The following TMEM63C variants were observed in gnomAD, a reference collection of about 807,000 sequenced individuals.
The protein encoded by TMEM63C is osmosensitive cation channel TMEM63C.
Under a neutral mutation model 99.2 loss-of-function variants are expected in TMEM63C, and 32 were observed. The observed-to-expected ratio is 0.32, with a 90% CI of 0.24 to 0.43. The LOEUF (loss-of-function observed/expected upper bound fraction) is 0.43. Among genes scored for constraint, TMEM63C ranks in the 20% least tolerant of loss-of-function variants. The pLI, the probability that TMEM63C is intolerant of heterozygous loss-of-function variation, is 1.00. For missense variants in TMEM63C, 826 were observed against 1,053.0 expected, an observed-to-expected ratio of 0.78 and a Z score of 2.98; for synonymous variants, 376 against 397.9, an observed-to-expected ratio of 0.94 and a Z score of 0.66.
chr14:77,210,873 G>A (rs1291746399), intron 1 of TMEM63C, among the ~76,000 whole-genome samples: 1 of 152,108 alleles, frequency 6.6e-6, no homozygotes, highest in Admixed American at 6.5e-5. Context: ...CACTCTGGGG[G>A]TCATGGGGTT....
intron 16 of TMEM63C, 62 bp from the exon 17 acceptor site, chr14:77,245,878 G>T (rs1388853334): frequency 8.3e-7 from 1 of 1,206,264 alleles, no homozygotes; most frequent in Non-Finnish European, 1.2e-6. Flanking sequence ...CTATTACATA[G>T]TTAGGCCTTT....
At chr14:77,240,445 C>T in intron 12 of TMEM63C, 30 bp from the exon 13 acceptor site, 1 of 1,596,660 alleles carries the variant, frequency 6.3e-7, no homozygotes, top group South Asian at 1.1e-5. Flanking sequence ...GGGCTCTGGC[C>T]CCAGCCCTGA....
At chr14:77,204,672 T>A (rs1041139432) in intron 1 of TMEM63C, among the ~76,000 whole-genome samples, 2 of 152,158 alleles carry the variant, frequency 1.3e-5, no homozygotes, top group African/African-American at 2.4e-5. Context: ...GTAAACAACA[T>A]CGAATGTACT....
intron 1 of TMEM63C, among the ~76,000 whole-genome samples, chr14:77,187,962 G>C (rs555361488): frequency 1.4e-4 from 22 of 152,318 alleles, no homozygotes; most frequent in Admixed American, 1.1e-3. Flanking sequence ...GGATGTGTCA[G>C]ATGCCCTTGA....
rs1038004409 is a variant in TMEM63C at position 77,236,878 on chromosome 14, C to T, written c.651+146C>T. On this transcript the variant is annotated intron_variant, in intron 9 of 23. Coordinates refer to ENST00000298351, the MANE Select transcript of TMEM63C (RefSeq NM_020431.4). The stretch of plus-strand genomic sequence containing the variant: ...GGGGGCGGTTTCACCTGAGCAGGGG[C>T]CAAGCTTCCTCCCTTCAGTCCTAGT... The T allele has an allele frequency of 2.5e-4, 158 of 634,638 alleles. No homozygotes were observed. The Admixed American group carries it at 3.8e-3, about 15-fold the overall frequency. The allele number at this position is 634,638 out of a possible 1,614,324, so 39.3% of individuals were successfully genotyped here.
chr14:77,204,622 C>T (rs753148677), intron 1 of TMEM63C, among the ~76,000 whole-genome samples: 6 of 152,172 alleles, frequency 3.9e-5, no homozygotes, highest in African/African-American at 7.2e-5. Context: ...CTTCCCTTTG[C>T]GGGGAGGTGT....
intron 8 of TMEM63C, 21 bp from the exon 9 acceptor site, chr14:77,236,603 C>A: frequency 1.3e-6 from 2 of 1,573,074 alleles, no homozygotes; most frequent in Non-Finnish European, 1.7e-6. Flanking sequence ...GACCTCACTG[C>A]TGCTGCCTCC....
At chr14:77,253,555 G>A (rs1044417454) in intron 23 of TMEM63C, among the ~76,000 whole-genome samples, 179 bp downstream of exon 23, 6 of 152,330 alleles carry the variant, frequency 3.9e-5, no homozygotes, top group East Asian at 1.9e-4. Flanking sequence ...AAATGCTGCC[G>A]TGGTCCTGGA....
chr14:77,256,935 G>C lies in TMEM63C; in HGVS notation c.*209G>C, dbSNP rs2140136419. The stretch of plus-strand genomic sequence containing the variant: ...CTGGGGGTGCTCGGCAGTGCTGAAG[G>C]AGCCTGGGAAGGGATGGGAGGATAC... On this transcript the variant is annotated 3_prime_UTR_variant, in exon 24 of 24. Coordinates refer to ENST00000298351, the MANE Select transcript of TMEM63C (RefSeq NM_020431.4). The C allele has an allele frequency of 6.9e-6, 4 of 582,744 alleles. No individual in the cohort carries two copies. In the East Asian group the frequency reaches 1.1e-4, roughly 17 times the overall value. The allele number at this position is 582,744 out of a possible 1,614,324, so 36.1% of individuals were successfully genotyped here. A position where few individuals can be genotyped will look rare whatever the true frequency, so the allele number is the denominator to read the frequency against.
intron 22 of TMEM63C, among the ~76,000 whole-genome samples, 180 bp downstream of exon 22, chr14:77,252,078 T>TGCATGCGTGCATGCCTTGCAC (rs1889375993): frequency 7.1e-6 from 1 of 141,428 alleles, no homozygotes; most frequent in African/African-American, 3.0e-5. Flanking sequence ...ATGCCTTGCG[T>TGCATGCGTGCATGCCTTGCAC]GCATGCGTGC....
intron 21 of TMEM63C, among the ~76,000 whole-genome samples, chr14:77,251,119 AAAGACTG>A (rs1416788244): frequency 6.6e-6 from 1 of 152,182 alleles, no homozygotes; most frequent in Admixed American, 6.5e-5. Flanking sequence ...TAGGTTGTTA[AAAGACTG>A]AACACGTAGG....
intron 7 of TMEM63C, among the ~76,000 whole-genome samples, chr14:77,232,630 C>T (rs568442281): frequency 6.6e-6 from 1 of 152,184 alleles, no homozygotes; most frequent in African/African-American, 2.4e-5. Context: ...ATCAGTCTCC[C>T]GAGCTTTACT....
In TMEM63C at chr14:77,218,242, A is replaced by C. The variant is rs3952320; in HGVS notation, c.-13-559A>C. On this transcript the variant is annotated intron_variant, in intron 2 of 23. Coordinates refer to ENST00000298351, the MANE Select transcript of TMEM63C (RefSeq NM_020431.4). ...TACCCACAGAAGTTAAAAAAAAAAG[A>C]GGGGGGTGTTTCTTGAGTCACTGCA... Among the ~76,000 whole-genome samples the C allele has an allele frequency of 7.2e-3, 1,043 of 145,758 alleles. 20 individuals carry two copies. Among genetic ancestry groups the C allele is most frequent in the Middle Eastern group, 0.055 (15 of 274 alleles).
chr14:77,194,662 C>T (rs1299216228), intron 1 of TMEM63C, among the ~76,000 whole-genome samples: 1 of 151,816 alleles, frequency 6.6e-6, no homozygotes, highest in African/African-American at 2.4e-5. Flanking sequence ...AAGCCTCAAC[C>T]TGCTGGGTTT....
Position 77,219,987 on chromosome 14 carries a change from C to T in TMEM63C, c.231-19C>T. 1 of 1,553,142 alleles carries T rather than the reference C, an allele frequency of 6.4e-7. No homozygotes were observed. The highest frequency in any genetic ancestry group is 8.7e-7 in the Non-Finnish European group (1 of 1,147,770). Reference sequence around the variant, plus strand: ...TTTTCTCTCCTTTCTTACCTCCCTGCCCCTTCCCTGGCTGGCAGCCTGACC... The same window carrying T: ...TTTTCTCTCCTTTCTTACCTCCCTGTCCCTTCCCTGGCTGGCAGCCTGACC... On this transcript the variant is annotated intron_variant, in intron 4 of 23. Coordinates refer to ENST00000298351, the MANE Select transcript of TMEM63C (RefSeq NM_020431.4).
chr14:77,256,564 T>A lies in TMEM63C; in HGVS notation c.2259T>A (p.Asn753Lys), dbSNP rs752277709. The A allele has an allele frequency of 6.2e-6, 10 of 1,613,918 alleles. No individual in the cohort carries two copies. In the East Asian group the frequency reaches 2.0e-4, roughly 32 times the overall value. ...CCGTGCTGCAAGAACCGGAGTTGAA[T>A]CTGACCCCCGCCTCCTCCCCAGCCA... ...VATVLQEPELNLTPASSPARH... is the reference protein window; with the variant it reads ...VATVLQEPELKLTPASSPARH... Residue 753 changes from asparagine (N) to lysine (K), a missense_variant, in exon 24 of 24, where the codon AAT becomes AAA. Transcript: ENST00000298351.
Position 77,218,679 on chromosome 14 carries a change from C to G in TMEM63C, c.-13-122C>G, listed in dbSNP as rs1189267639. ...GTGGGCTGGCCCTCCTGTCTTGGGT[C>G]TGAAGTGGCCTAGCCTGGCCGAGGC... On this transcript the variant is annotated intron_variant, in intron 2 of 23. Coordinates refer to ENST00000298351, the MANE Select transcript of TMEM63C (RefSeq NM_020431.4). 6 of 931,782 alleles carry G rather than the reference C, an allele frequency of 6.4e-6. No homozygotes were observed. In the South Asian group the frequency reaches 9.8e-5, roughly 15 times the overall value. 57.7% of individuals were successfully genotyped at this position (931,782 alleles called of 1,614,324 possible). A position where few individuals can be genotyped will look rare whatever the true frequency, so the allele number is the denominator to read the frequency against.
intron 1 of TMEM63C, among the ~76,000 whole-genome samples, chr14:77,190,099 C>G (rs1369537167): frequency 7.1e-6 from 1 of 140,920 alleles, no homozygotes; most frequent in Non-Finnish European, 1.5e-5. Flanking sequence ...GTCACTGATA[C>G]AGAGAAAATA....
chr14:77,243,331 C>T (rs962142221), intron 15 of TMEM63C, among the ~76,000 whole-genome samples: 6 of 152,082 alleles, frequency 3.9e-5, no homozygotes, highest in African/African-American at 7.2e-5. Context: ...GAGGGGGTGT[C>T]GTCCTGTCAA....
Sources: gnomAD v4.1 joint callset for allele counts (sites outside exome capture counted in the v4.1 genomes callset) on GRCh38, gnomAD v4.1.1 for gene constraint, MANE v1.5 for transcripts, NCBI Gene and HGNC (gene_info 2026-07-23, HGNC 2026-07-21) for gene names.